The following OTUD7A variants were observed in gnomAD, a reference collection of about 807,000 sequenced individuals.
The protein encoded by OTUD7A is OTU domain-containing protein 7A.
A neutral mutation model predicts 65.7 loss-of-function variants in OTUD7A; 12 were observed. The ratio of observed to expected loss-of-function variants is 0.18; its 90% CI spans 0.12 to 0.30. OTUD7A has a LOEUF of 0.30. Ranked by LOEUF, OTUD7A falls within the 10% of genes least tolerant of loss-of-function variation. OTUD7A has a pLI of 1.00. For synonymous variants in OTUD7A, 641 were observed against 586.3 expected (o/e 1.09, Z -1.35); for missense variants, 1,148 against 1,304.8 (o/e 0.88, Z 1.85).
intron 1 of OTUD7A, among the ~76,000 whole-genome samples, chr15:31,670,962 T>C (rs1053239105): frequency 6.6e-6 from 1 of 151,372 alleles, no homozygotes; most frequent in Non-Finnish European, 1.5e-5. Context: ...ACCACTGCAC[T>C]CCAGCCTGGG....
At chr15:31,774,079 A>G (rs1895307547) in intron 1 of OTUD7A, among the ~76,000 whole-genome samples, 1 of 152,250 alleles carries the variant, frequency 6.6e-6, no homozygotes, top group Non-Finnish European at 1.5e-5. Context: ...ACAGCCATGC[A>G]CTATGAGAGA....
intron 10 of OTUD7A, among the ~76,000 whole-genome samples, chr15:31,488,758 G>A (rs2041275732): frequency 6.6e-6 from 1 of 152,224 alleles, no homozygotes; most frequent in Non-Finnish European, 1.5e-5. Context: ...CTGACTCAAT[G>A]CTGCCCTCCA....
chr15:31,610,095 TGAGAAGGAACCA>T (rs1890355872), intron 3 of OTUD7A, among the ~76,000 whole-genome samples: 2 of 152,070 alleles, frequency 1.3e-5, no homozygotes, highest in African/African-American at 4.8e-5. Context: ...GCCTACCAAA[TGAGAAGGAACCA>T]GAAAATCAGC....
At chr15:31,727,015 G>C (rs1428215512) in intron 1 of OTUD7A, among the ~76,000 whole-genome samples, 4 of 152,254 alleles carry the variant, frequency 2.6e-5, no homozygotes, top group African/African-American at 4.8e-5. Flanking sequence ...GAGGCTGACT[G>C]AGAGGGAGAC....
intron 1 of OTUD7A, among the ~76,000 whole-genome samples, chr15:31,756,212 A>G (rs1400870552): frequency 6.6e-6 from 1 of 152,258 alleles, no homozygotes; most frequent in African/African-American, 2.4e-5. Flanking sequence ...TAAACACAGA[A>G]TAACTCTTTT....
intron 1 of OTUD7A, among the ~76,000 whole-genome samples, chr15:31,783,664 G>A (rs1483628418): frequency 2.0e-5 from 3 of 152,300 alleles, no homozygotes; most frequent in South Asian, 2.1e-4. Flanking sequence ...GTATGCCAAA[G>A]AGCGATGGAG....
chr15:31,813,601 G>A (rs1336102165), intron 1 of OTUD7A, among the ~76,000 whole-genome samples: 2 of 152,186 alleles, frequency 1.3e-5, no homozygotes, highest in Non-Finnish European at 2.9e-5. Context: ...TTTCTATGTT[G>A]CAGGCCTTCT....
intron 1 of OTUD7A, among the ~76,000 whole-genome samples, chr15:31,672,880 T>C (rs1892515051): frequency 6.6e-6 from 1 of 152,230 alleles, no homozygotes; most frequent in Non-Finnish European, 1.5e-5. Context: ...GCAGTAAGTG[T>C]AGGACCTACT....
intron 1 of OTUD7A, among the ~76,000 whole-genome samples, chr15:31,659,044 T>TG (rs1326933288): frequency 0.019 from 1,158 of 61,008 alleles, 3 homozygotes; most frequent in Non-Finnish European, 0.026. Context: ...AATGAATGAA[T>TG]AAATAAATAA....
intron 4 of OTUD7A, among the ~76,000 whole-genome samples, chr15:31,568,789 A>G (rs1595617758): frequency 6.6e-6 from 1 of 152,170 alleles, no homozygotes; most frequent in East Asian, 1.9e-4. Context: ...AGATCTGATC[A>G]TTTAAAAGTA....
chr15:31,723,582 T>C (rs1361977606), intron 1 of OTUD7A, among the ~76,000 whole-genome samples: 1 of 129,742 alleles, frequency 7.7e-6, no homozygotes, highest in Admixed American at 8.1e-5. Context: ...GTTTTTCCTA[T>C]GCCATAGATA....
chr15:31,702,650 C>T (rs1256654678), intron 1 of OTUD7A, among the ~76,000 whole-genome samples: 1 of 151,894 alleles, frequency 6.6e-6, no homozygotes, highest in Non-Finnish European at 1.5e-5. Context: ...TTGAAAAACT[C>T]AATACACTAA....
chr15:31,647,374 A>G (rs1330754840), intron 3 of OTUD7A, among the ~76,000 whole-genome samples: 1 of 152,250 alleles, frequency 6.6e-6, no homozygotes, highest in Non-Finnish European at 1.5e-5. Flanking sequence ...ATCCAGCTTG[A>G]TAAGCATGTG....
chr15:31,768,132 A>G, intron 1 of OTUD7A: 1 of 1,591,252 alleles, frequency 6.3e-7, no homozygotes. Flanking sequence ...CCTGCTCGAA[A>G]AGATGTGGTA....
At position 31,807,162 on chromosome 15, in the gene OTUD7A, T is replaced by A. The variant is rs141261633; in HGVS notation, c.-100+63345A>T. On this transcript the variant is annotated intron_variant, in intron 1 of 12. Transcript: ENST00000307050. ...AACATGGCCTCATGGAATCCCCTTA[T>A]AAGCTCAATAGAGTCAATAACACCG... 4.1e-3 allele frequency among the ~76,000 whole-genome samples: 629 copies of A among 152,340 alleles called. 3 individuals are homozygous for A. The highest frequency in any genetic ancestry group is 0.014 in the African/African-American group (602 of 41,570).
chr15:31,654,264 G>T lies in OTUD7A; in HGVS notation c.151+832C>A, dbSNP rs533761720. Among the ~76,000 whole-genome samples, 30 of 124,632 alleles carry T rather than the reference G, an allele frequency of 2.4e-4. No homozygotes were observed. The Middle Eastern group carries it at 0.011, about 44-fold the overall frequency. 81.8% of individuals were successfully genotyped at this position (124,632 alleles called of 152,430 possible). A position where few individuals can be genotyped will look rare whatever the true frequency, so the allele number is the denominator to read the frequency against. The stretch of plus-strand genomic sequence containing the variant: ...TGGAGTTGGTTTGAAATTCTAATAG[G>T]TTGGGGAAAATTTAAAAACTATGCT... On this transcript the variant is annotated intron_variant, in intron 3 of 12. Transcript: ENST00000307050.
At position 31,498,115 on chromosome 15, in the gene OTUD7A, G is replaced by A. The variant is rs1478773440; in HGVS notation, c.1171+3575C>T. Among the ~76,000 whole-genome samples the A allele has an allele frequency of 1.3e-5, 2 of 152,200 alleles. No homozygotes were observed. The highest frequency in any genetic ancestry group is 2.9e-5 in the Non-Finnish European group (2 of 68,022). ...AGATGGGCAAGGCTGTGCTTGGCTT[G>A]TTTGGGACTTTACCAAGAGTTAGCT... On this transcript the variant is annotated intron_variant, in intron 10 of 12. Transcript: ENST00000307050. The surrounding 1 kb of genome is among the most constrained non-coding windows in gnomAD (Gnocchi z 4.2).
intron 3 of OTUD7A, among the ~76,000 whole-genome samples, chr15:31,586,938 C>T (rs1339524003): frequency 2.0e-5 from 3 of 152,044 alleles, no homozygotes; most frequent in East Asian, 2.0e-4. Context: ...CTTCTCCACC[C>T]ACATTGCCCG....
intron 1 of OTUD7A, among the ~76,000 whole-genome samples, chr15:31,677,605 G>C (rs905798416): frequency 6.6e-6 from 1 of 152,084 alleles, no homozygotes; most frequent in African/African-American, 2.4e-5. Context: ...TCCCCTGCTT[G>C]TATTTCTCCT....
Sources: allele counts gnomAD v4.1 joint callset (sites outside exome capture counted in the v4.1 genomes callset), GRCh38; gene constraint gnomAD v4.1.1; non-coding constraint Gnocchi (gnomAD v3.1); transcripts MANE v1.5; gene names NCBI Gene and HGNC (gene_info 2026-07-23, HGNC 2026-07-21).